The following NAALADL2 variants were observed in gnomAD, a reference collection of about 807,000 sequenced individuals.
The protein encoded by NAALADL2 is N-acetylated alpha-linked acidic dipeptidase like 2.
Under a neutral mutation model 87.2 loss-of-function variants are expected in NAALADL2, and 76 were observed. The observed-to-expected ratio is 0.87, with a 90% CI of 0.72 to 1.05. The LOEUF (loss-of-function observed/expected upper bound fraction) is 1.05. NAALADL2 is among the 50% of genes least tolerant of loss of function. The pLI is 0.00. For missense variants in NAALADL2, 1,089 were observed against 945.8 expected (o/e 1.15, Z -1.99); for synonymous variants, 354 against 331.0 (o/e 1.07, Z -0.75).
intron 1 of NAALADL2, among the ~76,000 whole-genome samples, chr3:174,981,839 T>C (rs1317222977): frequency 3.3e-5 from 5 of 152,124 alleles, no homozygotes; most frequent in African/African-American, 4.8e-5. Context: ...CTCATCCTCA[T>C]AGCCCAATAT....
In NAALADL2 at chr3:175,084,377, A is replaced by G. The variant is rs565720501; in HGVS notation, c.44-12413A>G. Among the ~76,000 whole-genome samples the G allele has an allele frequency of 9.9e-5, 15 of 152,258 alleles. No individual in the cohort carries two copies. The East Asian group carries it at 2.3e-3, about 24-fold the overall frequency. On this transcript the variant is annotated intron_variant, in intron 1 of 13. Coordinates refer to ENST00000454872, the MANE Select transcript of NAALADL2 (RefSeq NM_207015.3). ...CTAAAGGGTCGAGATAGCTTCATTCATATGCCTGGAACTTTAGTTTGGGTG... is the reference window on the plus strand; with the variant it reads ...CTAAAGGGTCGAGATAGCTTCATTCGTATGCCTGGAACTTTAGTTTGGGTG...
At chr3:174,608,336 T>C (rs1719365015) in intron 2 of NAALADL2, among the ~76,000 whole-genome samples, 1 of 151,658 alleles carries the variant, frequency 6.6e-6, no homozygotes, top group Non-Finnish European at 1.5e-5. Flanking sequence ...CTGAAGGAAA[T>C]AGAGACACAA....
Position 175,618,733 on chromosome 3 carries a change from G to A in NAALADL2, c.1801-8558G>A, listed in dbSNP as rs139332478. ...TTCCCTATATTACCAGGGTCCCAGCGCCCTTGCAAGTGCTGCCCAGGAATG... is the reference window on the plus strand; with the variant it reads ...TTCCCTATATTACCAGGGTCCCAGCACCCTTGCAAGTGCTGCCCAGGAATG... On this transcript the variant is annotated intron_variant, in intron 10 of 13. Coordinates refer to ENST00000454872, the MANE Select transcript of NAALADL2 (RefSeq NM_207015.3). 1.7e-3 allele frequency among the ~76,000 whole-genome samples: 261 copies of A among 152,122 alleles called. 1 individual carries two copies. The East Asian group carries it at 0.036, about 21-fold the overall frequency.
intron 9 of NAALADL2, among the ~76,000 whole-genome samples, chr3:175,570,352 A>G (rs1717869519): frequency 6.6e-6 from 1 of 152,186 alleles, no homozygotes; most frequent in African/African-American, 2.4e-5. Flanking sequence ...TAACACTCTC[A>G]TAGACATACT....
At chr3:174,761,986 A>G (rs34369956) in intron 3 of NAALADL2, among the ~76,000 whole-genome samples, 46,515 of 151,784 alleles carry the variant, frequency 0.31, 7,176 homozygotes, top group Middle Eastern at 0.35. Flanking sequence ...GAAGCAAATA[A>G]TGTTTAATAT....
chr3:175,663,925 A>G (rs999499897), intron 11 of NAALADL2, among the ~76,000 whole-genome samples: 1 of 151,988 alleles, frequency 6.6e-6, no homozygotes, highest in Admixed American at 6.6e-5. Flanking sequence ...TATTTGCATG[A>G]TGTATTTTTG....
chr3:175,323,323 C>T (rs1421126591), intron 4 of NAALADL2, among the ~76,000 whole-genome samples: 7 of 115,044 alleles, frequency 6.1e-5, no homozygotes, highest in Admixed American at 2.4e-4. Flanking sequence ...GAATATCACA[C>T]TCTGGGGACT....
chr3:175,228,495 A>G (rs1339374799), intron 2 of NAALADL2, among the ~76,000 whole-genome samples: 3 of 151,878 alleles, frequency 2.0e-5, no homozygotes, highest in African/African-American at 4.8e-5. Flanking sequence ...TGACAGAATC[A>G]TAAGAGAAAT....
At chr3:175,406,229 A>T (rs1239863578) in intron 5 of NAALADL2, among the ~76,000 whole-genome samples, 5 of 152,236 alleles carry the variant, frequency 3.3e-5, no homozygotes. Flanking sequence ...GAAGAAAATT[A>T]TTCAGCAATT....
chr3:175,396,009 C>T (rs1313283538), intron 5 of NAALADL2, among the ~76,000 whole-genome samples: 1 of 152,128 alleles, frequency 6.6e-6, no homozygotes, highest in Non-Finnish European at 1.5e-5. Context: ...TAAAATCAAT[C>T]TTGCTGTATT....
chr3:175,667,225 AAGAAAG>A (rs1465426060), intron 11 of NAALADL2, among the ~76,000 whole-genome samples: 2 of 124,530 alleles, frequency 1.6e-5, no homozygotes, highest in Non-Finnish European at 1.6e-5. Flanking sequence ...GAAAGAAAGA[AAGAAAG>A]AAAGAAAGAA....
intron 10 of NAALADL2, among the ~76,000 whole-genome samples, chr3:175,605,640 G>GTTTTTTTTTTTTTGTTTTTTTTT (rs1723597549): frequency 8.2e-5 from 3 of 36,678 alleles, no homozygotes; most frequent in Non-Finnish European, 1.9e-4. Context: ...TATATTGCTT[G>GTTTTTTTTTTTTTGTTTTTTTTT]TTTTTTTTTT....
intron 13 of NAALADL2, among the ~76,000 whole-genome samples, chr3:175,800,277 C>A (rs1051249120): frequency 2.0e-5 from 3 of 151,824 alleles, no homozygotes; most frequent in Non-Finnish European, 4.4e-5. Flanking sequence ...CAGAGCATTG[C>A]TCACAACCCT....
chr3:175,463,523 AC>A (rs1723478065), intron 7 of NAALADL2, 30 bp downstream of exon 7: 1 of 1,175,878 alleles, frequency 8.5e-7, no homozygotes, highest in Non-Finnish European at 1.2e-6. Flanking sequence ...TATAATCTAC[AC>A]TTTATATGAA....
chr3:175,600,653 T>TCAGC (rs1396753599), intron 10 of NAALADL2, among the ~76,000 whole-genome samples: 29 of 145,030 alleles, frequency 2.0e-4, no homozygotes, highest in African/African-American at 7.3e-4. Flanking sequence ...TTCTCCTGCC[T>TCAGC]CAGCCTCCCG....
intron 1 of NAALADL2, among the ~76,000 whole-genome samples, chr3:174,933,894 T>G (rs916455682): frequency 6.6e-6 from 1 of 152,164 alleles, no homozygotes; most frequent in Admixed American, 6.5e-5. Context: ...TTTAAAATGT[T>G]TTATAACCTT....
intron 11 of NAALADL2, among the ~76,000 whole-genome samples, chr3:175,724,987 G>C (rs186461182): frequency 6.6e-6 from 1 of 151,982 alleles, no homozygotes; most frequent in Non-Finnish European, 1.5e-5. Context: ...GATGTTCTTT[G>C]TTTAATGGTT....
chr3:175,131,746 G>T (rs2108634489), intron 2 of NAALADL2, among the ~76,000 whole-genome samples: 1 of 151,198 alleles, frequency 6.6e-6, no homozygotes, highest in East Asian at 2.0e-4. Flanking sequence ...TCACCCCCCG[G>T]ACAGGGCGGC....
chr3:174,453,077 T>C (rs1715590579), intron 1 of NAALADL2, among the ~76,000 whole-genome samples: 1 of 152,114 alleles, frequency 6.6e-6, no homozygotes, highest in Admixed American at 6.5e-5. Flanking sequence ...ATAGCCAGTA[T>C]TGAAAAGAAT....
Sources: gnomAD v4.1 joint callset for allele counts (sites outside exome capture counted in the v4.1 genomes callset) on GRCh38, gnomAD v4.1.1 for gene constraint, MANE v1.5 for transcripts, NCBI Gene and HGNC (gene_info 2026-07-23, HGNC 2026-07-21) for gene names.